SLCO1B3: variants seen among roughly 807,000 people sequenced by gnomAD.
The protein encoded by SLCO1B3 is solute carrier organic anion transporter family member 1B3, also known as liver-specific organic anion transporter 2.
A neutral mutation model predicts 71.8 loss-of-function variants in SLCO1B3; 72 were observed. The observed-to-expected ratio is 1.00, with a 90% CI of 0.83 to 1.22. The LOEUF is 1.22. Among genes scored for constraint, SLCO1B3 ranks in the 50% most tolerant of loss-of-function variants. SLCO1B3 has a pLI of 0.00. For synonymous variants in SLCO1B3, 298 were observed against 278.4 expected (o/e 1.07, Z -0.70); for missense variants, 911 against 819.7 (o/e 1.11, Z -1.36).
chr12:20,813,003 A>T (rs886587371), intron 1 of SLCO1B3, among the ~76,000 whole-genome samples: 1 of 152,206 alleles, frequency 6.6e-6, no homozygotes, highest in Non-Finnish European at 1.5e-5. Flanking sequence ...CCTTGAGACC[A>T]CCAAATTATT....
intron 11 of SLCO1B3, 109 bp downstream of exon 11, chr12:20,879,740 T>C (rs978037903): frequency 5.9e-5 from 44 of 745,458 alleles, no homozygotes; most frequent in Non-Finnish European, 8.7e-5. Flanking sequence ...TTTATTTTAA[T>C]TGAGAGAAAT....
chr12:20,894,529 C>T (rs902869981), intron 13 of SLCO1B3, among the ~76,000 whole-genome samples: 2 of 152,118 alleles, frequency 1.3e-5, no homozygotes, highest in Non-Finnish European at 2.9e-5. Flanking sequence ...GCCACCCCTT[C>T]CCCTGGGTGA....
chr12:20,858,532 GAAGTATTTTGACATCTTTACC>G lies in SLCO1B3; in HGVS notation c.322_342del (p.Ser108_Pro114del), dbSNP rs1205261166. 4 of 1,605,286 alleles carry G rather than the reference GAAGTATTTTGACATCTTTACC, an allele frequency of 2.5e-6. No homozygotes were observed. The highest frequency in any genetic ancestry group is 1.7e-6 in the Non-Finnish European group (2 of 1,172,290). The stretch of plus-strand genomic sequence containing the variant: ...ATTGGTTGTCTCCTTATGGGAACTG[GAAGTATTTTGACATCTTTACC>G]ACATTTCTTCATGGGATAGTAAGTG... On this transcript the variant is annotated inframe_deletion, in exon 5 of 16. Transcript: ENST00000381545.
Position 20,916,261 on chromosome 12 carries a change from C to A in SLCO1B3, c.*14C>A. ...GCTGCCAACTAACATTGCATTGATT[C>A]ATTAAGATGTTATTTTTGAGGTGTT... On this transcript the variant is annotated 3_prime_UTR_variant, in exon 16 of 16. Coordinates refer to ENST00000381545, the MANE Select transcript of SLCO1B3 (RefSeq NM_019844.4). 1.2e-6 allele frequency: 2 copies of A among 1,605,478 alleles called. No homozygotes were observed. The highest frequency in any genetic ancestry group is 1.1e-5 in the South Asian group (1 of 90,384).
At chr12:20,869,736 C>T (rs1865444895) in intron 8 of SLCO1B3, among the ~76,000 whole-genome samples, 1 of 152,182 alleles carries the variant, frequency 6.6e-6, no homozygotes, top group South Asian at 2.1e-4. Flanking sequence ...ATTCATCTCT[C>T]TGTAGATATT....
At chr12:20,898,183 G>A (rs1866053313) in intron 13 of SLCO1B3, among the ~76,000 whole-genome samples, 1 of 151,902 alleles carries the variant, frequency 6.6e-6, no homozygotes, top group Non-Finnish European at 1.5e-5. Flanking sequence ...TTTTCATAAG[G>A]ATCAAATGTG....
chr12:20,840,501 C>G (rs1864774048), intron 3 of SLCO1B3, among the ~76,000 whole-genome samples: 1 of 151,266 alleles, frequency 6.6e-6, no homozygotes, highest in East Asian at 1.9e-4. Flanking sequence ...AAGCAATTCT[C>G]TGCCTCAGCC....
chr12:20,842,292 C>T (rs1477864074), intron 3 of SLCO1B3, among the ~76,000 whole-genome samples: 1 of 152,146 alleles, frequency 6.6e-6, no homozygotes, highest in Non-Finnish European at 1.5e-5. Flanking sequence ...ATTTTGACTA[C>T]TTGACCTATC....
chr12:20,861,257 C>G, intron 6 of SLCO1B3, 119 bp downstream of exon 6: 1 of 889,860 alleles, frequency 1.1e-6, no homozygotes. Flanking sequence ...AACATTTATC[C>G]CTTACATACA....
chr12:20,820,162 C>A (rs1309469594), intron 3 of SLCO1B3, among the ~76,000 whole-genome samples: 1 of 151,974 alleles, frequency 6.6e-6, no homozygotes, highest in Non-Finnish European at 1.5e-5. Context: ...GAGTGGGTAG[C>A]CTCCATATTG....
At chr12:20,843,193 T>A (rs186631455) in intron 3 of SLCO1B3, among the ~76,000 whole-genome samples, 19 of 152,338 alleles carry the variant, frequency 1.2e-4, no homozygotes, top group African/African-American at 4.6e-4. Flanking sequence ...TCTAAAATTT[T>A]AAATTTTAGA....
chr12:20,850,444 TA>T (rs1865002886), intron 3 of SLCO1B3, among the ~76,000 whole-genome samples: 1 of 151,784 alleles, frequency 6.6e-6, no homozygotes, highest in Non-Finnish European at 1.5e-5. Flanking sequence ...CACTCCCGGC[TA>T]ATTTTTTTTT....
At chr12:20,871,498 T>G (rs1412481720) in intron 8 of SLCO1B3, among the ~76,000 whole-genome samples, 3 of 152,248 alleles carry the variant, frequency 2.0e-5, no homozygotes, top group African/African-American at 7.2e-5. Context: ...CATTGATGAC[T>G]TAGGTATTTA....
At chr12:20,883,684 G>A in intron 13 of SLCO1B3, 82 bp downstream of exon 13, 1 of 903,690 alleles carries the variant, frequency 1.1e-6, no homozygotes, top group Non-Finnish European at 1.7e-6. Flanking sequence ...TGTATTTTGA[G>A]CTCAAATTCA....
intron 3 of SLCO1B3, among the ~76,000 whole-genome samples, chr12:20,832,406 C>T (rs1864561320): frequency 6.6e-6 from 1 of 152,042 alleles, no homozygotes; most frequent in Non-Finnish European, 1.5e-5. Flanking sequence ...CCAGTGTATA[C>T]TTCTTCATTA....
Position 20,880,958 on chromosome 12 carries a change from A to G in SLCO1B3, c.1435A>G (p.Ile479Val), listed in dbSNP as rs1305106957. ...QWEPVCGNNG[I>V]TYLSPCLAGC... ...GGAACCAGTCTGTGGGAACAATGGA[A>G]TAACTTACCTGTCACCTTGTCTAGC... The change falls in exon 12 of 16, where the codon ATA becomes GTA. Residue 479 changes from isoleucine (I) to valine (V), a missense_variant. By Grantham distance (29) the Ile-to-Val change is conservative. Coordinates refer to ENST00000381545, the MANE Select transcript of SLCO1B3 (RefSeq NM_019844.4). 15 of 1,612,654 alleles carry G rather than the reference A, an allele frequency of 9.3e-6. No individual in the cohort carries two copies. Among genetic ancestry groups the G allele is most frequent in the Non-Finnish European group, 1.2e-5 (14 of 1,178,940 alleles).
At chr12:20,891,533 A>C (rs1030413478) in intron 13 of SLCO1B3, among the ~76,000 whole-genome samples, 4 of 152,124 alleles carry the variant, frequency 2.6e-5, no homozygotes, top group Non-Finnish European at 5.9e-5. Context: ...TCTCACAGGA[A>C]TCACCTGAGC....
intron 3 of SLCO1B3, chr12:20,845,252 CCT>C: frequency 2.4e-6 from 1 of 415,160 alleles, no homozygotes; most frequent in East Asian, 7.0e-5. Context: ...AGCTTTCTGA[CCT>C]CTGACCTCTT....
At chr12:20,826,234 T>G (rs1864418142) in intron 3 of SLCO1B3, among the ~76,000 whole-genome samples, 2 of 151,872 alleles carry the variant, frequency 1.3e-5, no homozygotes, top group South Asian at 4.2e-4. Flanking sequence ...GTAAAACTTT[T>G]TTTTTATAAT....
Sources: gnomAD v4.1 joint callset for allele counts (sites outside exome capture counted in the v4.1 genomes callset) on GRCh38, gnomAD v4.1.1 for gene constraint, MANE v1.5 for transcripts, NCBI Gene and HGNC (gene_info 2026-07-23, HGNC 2026-07-21) for gene names.